The following PTPRT variants were observed in gnomAD, a reference collection of about 807,000 sequenced individuals.
PTPRT encodes protein tyrosine phosphatase receptor type T.
In PTPRT, 56 loss-of-function variants were observed where a neutral mutation model predicts 176.8. That is an observed-to-expected ratio of 0.32 (90% confidence interval 0.26 to 0.40). The LOEUF is 0.40. Among genes scored for constraint, PTPRT ranks in the 10% least tolerant of loss-of-function variants. The pLI is 1.00. For synonymous variants in PTPRT, 783 were observed against 739.0 expected (o/e 1.06, Z -0.96); for missense variants, 1,540 against 1,908.2 (o/e 0.81, Z 3.60).
chr20:42,613,335 TA>T (rs1408034249), intron 7 of PTPRT, among the ~76,000 whole-genome samples: 1 of 152,224 alleles, frequency 6.6e-6, no homozygotes, highest in Non-Finnish European at 1.5e-5. Context: ...TTTGTTCCAT[TA>T]AAAAGCTGTC....
intron 7 of PTPRT, among the ~76,000 whole-genome samples, chr20:42,574,823 C>T (rs903335219): frequency 6.6e-6 from 1 of 152,112 alleles, no homozygotes; most frequent in Non-Finnish European, 1.5e-5. Flanking sequence ...CCTTGCTGTT[C>T]TCATGATAGT....
At position 42,894,526 on chromosome 20, in the gene PTPRT, T is replaced by TA. The variant is rs370239840; in HGVS notation, c.89-8595dup. ...CAAAGAAATGAAGGCATAGAAAGGTTAAAAAAAAAAACTATCCCAAGATCA... is the reference window on the plus strand; with the variant it reads ...CAAAGAAATGAAGGCATAGAAAGGTTAAAAAAAAAAAACTATCCCAAGATCA... On this transcript the variant is annotated intron_variant, in intron 1 of 30. Transcript: ENST00000373187. Among the ~76,000 whole-genome samples, 746 of 145,912 alleles carry TA rather than the reference T, an allele frequency of 5.1e-3. 7 individuals are homozygous for TA. Among genetic ancestry groups the TA allele is most frequent in the African/African-American group, 0.016 (647 of 39,886 alleles).
chr20:42,984,145 T>A (rs946909552), intron 1 of PTPRT, among the ~76,000 whole-genome samples: 23 of 152,226 alleles, frequency 1.5e-4, no homozygotes, highest in African/African-American at 5.1e-4. Context: ...GCTCCCCATA[T>A]ATAAGCAGGT....
chr20:42,689,232 G>A (rs966670749), intron 6 of PTPRT, among the ~76,000 whole-genome samples: 16 of 152,196 alleles, frequency 1.1e-4, no homozygotes, highest in African/African-American at 3.4e-4. Context: ...GTGGCTGAAC[G>A]TTGGAACCAG....
chr20:43,015,621 T>C (rs1236567216), intron 1 of PTPRT, among the ~76,000 whole-genome samples: 2 of 152,124 alleles, frequency 1.3e-5, no homozygotes, highest in Non-Finnish European at 2.9e-5. Flanking sequence ...ATAAGGTGCA[T>C]GATACAAGCC....
At chr20:42,915,196 T>C (rs1600552072) in intron 1 of PTPRT, among the ~76,000 whole-genome samples, 1 of 152,224 alleles carries the variant, frequency 6.6e-6, no homozygotes, top group Admixed American at 6.5e-5. Flanking sequence ...TTAGGGCCTC[T>C]CTGGGAGCCC....
Position 42,453,478 on chromosome 20 carries a change from A to C in PTPRT, c.1451-5149T>G, listed in dbSNP as rs193205646. ...AAAAAGTATACATAATAATGTATGA[A>C]TAGTTCAAAGAATAATTATTAAATA... On this transcript the variant is annotated intron_variant, in intron 8 of 30. Transcript: ENST00000373187. 5.3e-5 allele frequency among the ~76,000 whole-genome samples: 8 copies of C among 152,172 alleles called. 1 individual carries two copies. Among genetic ancestry groups the C allele is most frequent in the African/African-American group, 1.7e-4 (7 of 41,556 alleles).
chr20:43,025,355 G>C (rs763863871), intron 1 of PTPRT, among the ~76,000 whole-genome samples: 7 of 152,192 alleles, frequency 4.6e-5, no homozygotes, highest in Non-Finnish European at 8.8e-5. Context: ...AGTAAGTCAG[G>C]GAAACCAACT....
At chr20:42,294,640 A>G (rs2057362817) in intron 12 of PTPRT, among the ~76,000 whole-genome samples, 1 of 152,012 alleles carries the variant, frequency 6.6e-6, no homozygotes, top group Non-Finnish European at 1.5e-5. Context: ...GATGAAGAAA[A>G]CAGAAAATGT....
chr20:43,124,160 C>A (rs1457467791), intron 1 of PTPRT, among the ~76,000 whole-genome samples: 2 of 152,154 alleles, frequency 1.3e-5, no homozygotes, highest in African/African-American at 2.4e-5. Context: ...CTTTATTTTC[C>A]AAATGGGAAT....
chr20:42,411,517 C>CAAAAAAAAAAAAAAAAAAAAAAAAAAA (rs10591184), intron 9 of PTPRT, among the ~76,000 whole-genome samples: 2 of 88,342 alleles, frequency 2.3e-5, no homozygotes, highest in African/African-American at 4.5e-5. Context: ...AACCCTGTCT[C>CAAAAAAAAAAAAAAAAAAAAAAAAAAA]AAAAAAAAAA....
chr20:42,381,655 G>T (rs189757584), intron 9 of PTPRT, among the ~76,000 whole-genome samples: 1 of 152,236 alleles, frequency 6.6e-6, no homozygotes, highest in East Asian at 1.9e-4. Context: ...GGAAGGGAAG[G>T]AGGAGTGGAA....
At chr20:42,309,342 C>G (rs1022837435) in intron 12 of PTPRT, among the ~76,000 whole-genome samples, 1 of 152,038 alleles carries the variant, frequency 6.6e-6, no homozygotes, top group South Asian at 2.1e-4. Context: ...ACAAACAATG[C>G]GAAACTGCAC....
At chr20:42,291,326 G>C (rs2057313446) in intron 12 of PTPRT, among the ~76,000 whole-genome samples, 1 of 152,178 alleles carries the variant, frequency 6.6e-6, no homozygotes, top group African/African-American at 2.4e-5. Context: ...TGTCCTCATA[G>C]AGCATGCAGA....
chr20:43,062,921 G>A (rs1987533203), intron 1 of PTPRT, among the ~76,000 whole-genome samples: 1 of 152,188 alleles, frequency 6.6e-6, no homozygotes, highest in Non-Finnish European at 1.5e-5. Flanking sequence ...CATGGGGTCA[G>A]CATGGCAAAT....
At chr20:42,495,650 C>G (rs913014210) in intron 7 of PTPRT, among the ~76,000 whole-genome samples, 6 of 152,118 alleles carry the variant, frequency 3.9e-5, no homozygotes, top group African/African-American at 1.4e-4. Flanking sequence ...AGAGGTAGCT[C>G]AATTCTAAAA....
chr20:43,091,858 C>T (rs1046462396), intron 1 of PTPRT, among the ~76,000 whole-genome samples: 6 of 152,086 alleles, frequency 3.9e-5, no homozygotes, highest in African/African-American at 9.7e-5. Flanking sequence ...AGAAGACATC[C>T]GCTTCCTCCA....
At chr20:42,735,641 G>A (rs762719656) in intron 6 of PTPRT, among the ~76,000 whole-genome samples, 2 of 152,146 alleles carry the variant, frequency 1.3e-5, no homozygotes, top group Admixed American at 6.5e-5. Flanking sequence ...TGAACTGCAC[G>A]CACGACACTT....
chr20:42,298,851 G>C (rs1183536045), intron 12 of PTPRT, among the ~76,000 whole-genome samples: 2 of 152,054 alleles, frequency 1.3e-5, no homozygotes, highest in Non-Finnish European at 2.9e-5. Flanking sequence ...AACCCAGGAG[G>C]GGGAGGTTGC....
Sources: allele counts gnomAD v4.1 joint callset (sites outside exome capture counted in the v4.1 genomes callset), GRCh38; gene constraint gnomAD v4.1.1; transcripts MANE v1.5; gene names NCBI Gene and HGNC (gene_info 2026-07-23, HGNC 2026-07-21).